RIMS2: variants seen among roughly 807,000 people sequenced by gnomAD.
The protein encoded by RIMS2 is regulating synaptic membrane exocytosis protein 2.
A neutral mutation model predicts 174.4 loss-of-function variants in RIMS2; 59 were observed. The observed-to-expected ratio is 0.34, with a 90% CI of 0.27 to 0.42. The LOEUF is 0.42. Among genes scored for constraint, RIMS2 ranks in the 10% least tolerant of loss-of-function variants. RIMS2 has a pLI of 1.00. For missense variants in RIMS2, 1,620 were observed against 1,666.3 expected, an observed-to-expected ratio of 0.97 and a Z score of 0.48; for synonymous variants, 606 against 572.5, an observed-to-expected ratio of 1.06 and a Z score of -0.84.
intron 3 of RIMS2, chr8:103,768,952 C>A: frequency 2.5e-6 from 1 of 396,624 alleles, no homozygotes; most frequent in Non-Finnish European, 4.9e-6. Flanking sequence ...ACAGAAGCGT[C>A]AGGAACAAAT....
intron 3 of RIMS2, among the ~76,000 whole-genome samples, chr8:103,802,441 C>T (rs2098617596): frequency 6.6e-6 from 1 of 152,118 alleles, no homozygotes; most frequent in Admixed American, 6.6e-5. Context: ...CCACCTTTCA[C>T]CTTCCCCTTT....
chr8:103,742,443 A>G (rs935592005), intron 2 of RIMS2, among the ~76,000 whole-genome samples: 1 of 152,140 alleles, frequency 6.6e-6, no homozygotes, highest in Non-Finnish European at 1.5e-5. Context: ...CCATGATCTG[A>G]ACAATGCCTT....
At chr8:104,091,995 C>T (rs529076427) in intron 19 of RIMS2, among the ~76,000 whole-genome samples, 7 of 151,650 alleles carry the variant, frequency 4.6e-5, no homozygotes, top group African/African-American at 1.2e-4. Context: ...CCAATTCTCA[C>T]GTAATTTGAA....
chr8:104,148,538 T>C (rs1474803523), intron 19 of RIMS2, 69 bp from the exon 25 acceptor site: 2 of 1,366,930 alleles, frequency 1.5e-6, no homozygotes, highest in Non-Finnish European at 2.0e-6. Context: ...AAATGTTTTA[T>C]CTAAAATGCA....
chr8:103,510,665 C>T (rs1052178353), intron 1 of RIMS2, among the ~76,000 whole-genome samples: 2 of 152,050 alleles, frequency 1.3e-5, no homozygotes, highest in South Asian at 2.1e-4. Context: ...ATCTTTATTG[C>T]GATGCCGTCT....
At chr8:103,927,112 A>G (rs1050939788) in intron 10 of RIMS2, among the ~76,000 whole-genome samples, 4 of 151,428 alleles carry the variant, frequency 2.6e-5, no homozygotes, top group Admixed American at 6.6e-5. Context: ...GGCTTGGAAA[A>G]GTATAACGAA....
chr8:103,958,939 G>A (rs969054485), intron 14 of RIMS2, among the ~76,000 whole-genome samples: 9 of 152,248 alleles, frequency 5.9e-5, no homozygotes, highest in African/African-American at 2.2e-4. Flanking sequence ...GGGACAGAAG[G>A]ATAGACTGGT....
chr8:103,648,517 A>C (rs571731224), intron 1 of RIMS2, among the ~76,000 whole-genome samples: 1 of 152,200 alleles, frequency 6.6e-6, no homozygotes, highest in African/African-American at 2.4e-5. Context: ...TGTCTCGATG[A>C]TCTGTCTCAT....
At chr8:103,975,742 T>C in intron 16 of RIMS2, 1 of 335,466 alleles carries the variant, frequency 3.0e-6, no homozygotes. Flanking sequence ...CCAGGGAAGC[T>C]GACAGGACAG....
chr8:103,646,798 C>T (rs148099620), intron 1 of RIMS2, among the ~76,000 whole-genome samples: 120 of 152,282 alleles, frequency 7.9e-4, no homozygotes, highest in South Asian at 1.2e-3. Flanking sequence ...ATTTGACTTC[C>T]TCTCTTCCTA....
intron 16 of RIMS2, among the ~76,000 whole-genome samples, chr8:103,985,203 C>T (rs940572288): frequency 3.3e-5 from 5 of 151,926 alleles, no homozygotes; most frequent in African/African-American, 4.8e-5. Flanking sequence ...GGGCCAGGCA[C>T]GGTGGCTTAC....
At chr8:103,812,352 T>TTTG (rs1300272668) in intron 3 of RIMS2, among the ~76,000 whole-genome samples, 46 of 148,466 alleles carry the variant, frequency 3.1e-4, no homozygotes, top group South Asian at 1.7e-3. Context: ...TTTTTTTTTT[T>TTTG]TTGTTGTTGT....
At chr8:104,235,969 C>T (rs760788802) in intron 19 of RIMS2, among the ~76,000 whole-genome samples, 4 of 151,928 alleles carry the variant, frequency 2.6e-5, no homozygotes, top group East Asian at 1.9e-4. Flanking sequence ...TTGGTTGTTA[C>T]GCATAATCTA....
chr8:104,121,988 T>G lies in RIMS2; in HGVS notation c.3334+107373T>G, dbSNP rs142077337. ...AAAAATAAATAAAAATAAAATAATA[T>G]AATAGAATAAAGTAATGAACTAACA... On this transcript the variant is annotated intron_variant, in intron 19 of 23. Coordinates refer to ENST00000504942, the Ensembl canonical transcript of RIMS2. 7.8e-3 allele frequency among the ~76,000 whole-genome samples: 1,187 copies of G among 151,946 alleles called. 25 individuals are homozygous for G. The highest frequency in any genetic ancestry group is 0.027 in the African/African-American group (1,112 of 41,444).
chr8:103,516,883 T>TA (rs1481357273), intron 1 of RIMS2, among the ~76,000 whole-genome samples: 1 of 152,138 alleles, frequency 6.6e-6, no homozygotes, highest in Non-Finnish European at 1.5e-5. Flanking sequence ...TAAAAGAATT[T>TA]AAAAAATGGA....
At chr8:104,231,290 A>G (rs1432546452) in intron 19 of RIMS2, among the ~76,000 whole-genome samples, 1 of 151,896 alleles carries the variant, frequency 6.6e-6, no homozygotes, top group Non-Finnish European at 1.5e-5. Flanking sequence ...ACTTCAGTAG[A>G]TTTACATCTC....
At chr8:103,815,858 C>T (rs927310650) in intron 3 of RIMS2, among the ~76,000 whole-genome samples, 3 of 152,134 alleles carry the variant, frequency 2.0e-5, no homozygotes, top group Non-Finnish European at 4.4e-5. Flanking sequence ...CATTGGTACA[C>T]ATGAGATTTT....
At chr8:104,082,282 T>G (rs1280386889) in intron 19 of RIMS2, among the ~76,000 whole-genome samples, 3 of 152,086 alleles carry the variant, frequency 2.0e-5, no homozygotes, top group African/African-American at 7.2e-5. Context: ...GGCTAGCATA[T>G]CCTTTCAATC....
At chr8:104,002,601 A>G (rs1364404484) in intron 17 of RIMS2, among the ~76,000 whole-genome samples, 1 of 152,154 alleles carries the variant, frequency 6.6e-6, no homozygotes, top group Non-Finnish European at 1.5e-5. Context: ...TTTCAACTGG[A>G]AATTGTTTCC....
Sources: allele counts gnomAD v4.1 joint callset (sites outside exome capture counted in the v4.1 genomes callset), GRCh38; gene constraint gnomAD v4.1.1; transcripts MANE v1.5; gene names NCBI Gene and HGNC (gene_info 2026-07-23, HGNC 2026-07-21).